The following NR2F2 variants were observed in gnomAD, a reference collection of about 807,000 sequenced individuals.
NR2F2 encodes the protein COUP transcription factor 2.
In NR2F2, 2 loss-of-function variants were observed where a neutral mutation model predicts 34.8. That is an observed-to-expected ratio of 0.06 (90% CI 0.02 to 0.18). The LOEUF is 0.18. Among genes scored for constraint, NR2F2 ranks in the 10% least tolerant of loss-of-function variants. NR2F2 has a pLI of 1.00. For synonymous variants in NR2F2, 274 were observed against 251.8 expected, an observed-to-expected ratio of 1.09 and a Z score of -0.84; for missense variants, 300 against 580.1, an observed-to-expected ratio of 0.52 and a Z score of 4.96.
Position 96,330,782 on chromosome 15 carries a change from A to G in NR2F2, c.-1324A>G. The G allele has an allele frequency of 2.4e-3, 1,165 of 482,036 alleles. No individual in the cohort carries two copies. Among genetic ancestry groups the G allele is most frequent in the Non-Finnish European group, 3.0e-3 (1,053 of 355,410 alleles). The allele number at this position is 482,036 out of a possible 1,614,324, so 29.9% of individuals were successfully genotyped here. A position where few individuals can be genotyped will look rare whatever the true frequency, so the allele number is the denominator to read the frequency against. ...CTTTTTAGCATATTTGATCACTTTG[A>G]TTCTCTGTTCTTTTCTCTCCGCGGT... is the stretch of plus-strand genomic sequence containing the variant. On this transcript the variant is annotated 5_prime_UTR_variant, in exon 1 of 3. Coordinates refer to ENST00000394166, the MANE Select transcript of NR2F2 (RefSeq NM_021005.4).
rs1308605668 is a variant in NR2F2 at position 96,331,033 on chromosome 15, A to T, written c.-1073A>T. The T allele has an allele frequency of 8.2e-7, 1 of 1,214,610 alleles. No homozygotes were observed. Among genetic ancestry groups the T allele is most frequent in the African/African-American group, 1.6e-5 (1 of 62,452 alleles). The allele number at this position is 1,214,610 out of a possible 1,614,324, so 75.2% of individuals were successfully genotyped here. ...CCGCCGGCGAGTTGACTCTTTCCCT[A>T]TGTGTGTGAGGCGGCGGCGGCAGCA... On this transcript the variant is annotated 5_prime_UTR_variant, in exon 1 of 3. It removes an upstream start codon present in the reference 5' UTR. Transcript: ENST00000394166.
In NR2F2 at chr15:96,331,854, A is replaced by G. The variant is rs1341499547; in HGVS notation, c.-252A>G. The G allele has an allele frequency of 1.7e-6, 2 of 1,201,628 alleles. No individual in the cohort carries two copies. The highest frequency in any genetic ancestry group is 2.1e-6 in the Non-Finnish European group (2 of 969,324). The allele number at this position is 1,201,628 out of a possible 1,614,324, so 74.4% of individuals were successfully genotyped here. A position where few individuals can be genotyped will look rare whatever the true frequency, so the allele number is the denominator to read the frequency against. ...GAAACCAACAAAGCTGAGCCGAGAG[A>G]AACAAACAAAACAAACACACCGGGC... On this transcript the variant is annotated 5_prime_UTR_variant, in exon 1 of 3. Transcript: ENST00000394166.
chr15:96,337,302 CTTCTTT>C (rs556851031), intron 2 of NR2F2, 40 bp from the exon 3 acceptor site: 23 of 1,558,540 alleles, frequency 1.5e-5, no homozygotes, highest in East Asian at 4.5e-5. Flanking sequence ...TCTTCTTCTT[CTTCTTT>C]TTCTTCTTCT....
chr15:96,326,073 G>T, upstream of NR2F2: 1 of 591,516 alleles, frequency 1.7e-6, no homozygotes, highest in East Asian at 2.8e-5. This position sits in a 1 kb window ranked among gnomAD's most constrained non-coding sequence, Gnocchi z 5.5. Flanking sequence ...GTTTTCCAAG[G>T]CTGAGAGAGC....
chr15:96,337,064 C>G (rs547819740), intron 2 of NR2F2, among the ~76,000 whole-genome samples: 2 of 152,324 alleles, frequency 1.3e-5, no homozygotes, highest in African/African-American at 4.8e-5. Context: ...AGGCTAAGGA[C>G]TCGGGCAGTG....
intron 1 of NR2F2, chr15:96,333,679 TC>T: frequency 1.8e-6 from 2 of 1,102,586 alleles, no homozygotes; most frequent in Non-Finnish European, 1.1e-6. Context: ...CGCCTCACCC[TC>T]CCCCCAGACT....
rs34678417 is a variant in NR2F2 at position 96,337,775 on chromosome 15, CAAA to C, written c.*166_*168del. On this transcript the variant is annotated 3_prime_UTR_variant, in exon 3 of 3. Transcript: ENST00000394166. ...GAAGAATTTAATGGACTGTGAATTT[CAAA>C]AAAAAAAAAAAAGACTGTCAAATGA... The C allele has an allele frequency of 5.4e-3, 1,097 of 201,606 alleles. No homozygotes were observed. Among genetic ancestry groups the C allele is most frequent in the East Asian group, 0.011 (154 of 13,606 alleles). The allele number at this position is 201,606 out of a possible 1,614,324, so 12.5% of individuals were successfully genotyped here.
chr15:96,329,873 G>A (rs551213836), upstream of NR2F2, among the ~76,000 whole-genome samples: 5 of 152,126 alleles, frequency 3.3e-5, no homozygotes, highest in East Asian at 7.7e-4. Flanking sequence ...CTCAGCATCC[G>A]AGATGCTTTA....
In NR2F2 at chr15:96,330,750, C is replaced by T. The variant is rs926189327; in HGVS notation, c.-1356C>T. ...CGCCTATAAATCGCATTCCCTCCCGCGCCCCCCTTTTTAGCATATTTGATC... is the reference window on the plus strand; with the variant it reads ...CGCCTATAAATCGCATTCCCTCCCGTGCCCCCCTTTTTAGCATATTTGATC... On this transcript the variant is annotated 5_prime_UTR_variant, in exon 1 of 3. Coordinates refer to ENST00000394166, the MANE Select transcript of NR2F2 (RefSeq NM_021005.4). 2.9e-6 allele frequency: 2 copies of T among 693,126 alleles called. No individual in the cohort carries two copies. Among genetic ancestry groups the T allele is most frequent in the African/African-American group, 1.9e-5 (1 of 52,222 alleles). The allele number at this position is 693,126 out of a possible 1,614,324, so 42.9% of individuals were successfully genotyped here. A position where few individuals can be genotyped will look rare whatever the true frequency, so the allele number is the denominator to read the frequency against.
chr15:96,331,975 C>T lies in NR2F2; in HGVS notation c.-131C>T. On this transcript the variant is annotated 5_prime_UTR_variant, in exon 1 of 3. Transcript: ENST00000394166. The stretch of plus-strand genomic sequence containing the variant: ...CAGCCCCCGAGCCACCCGGGGCGCC[C>T]TCCCGCGCCCTCTTGCACCCTCGCA... The T allele has an allele frequency of 8.3e-7, 1 of 1,208,472 alleles. No homozygotes were observed. The highest frequency in any genetic ancestry group is 1.0e-6 in the Non-Finnish European group (1 of 972,716). The allele number at this position is 1,208,472 out of a possible 1,614,324, so 74.9% of individuals were successfully genotyped here. A position where few individuals can be genotyped will look rare whatever the true frequency, so the allele number is the denominator to read the frequency against.
chr15:96,332,462 G>A lies in NR2F2; in HGVS notation c.357G>A (p.Arg119=). The A allele has an allele frequency of 1.2e-6, 2 of 1,614,194 alleles. No homozygotes were observed. The highest frequency in any genetic ancestry group is 1.7e-6 in the Non-Finnish European group (2 of 1,180,032). ...TGAGCTACACGTGCCGCGCCAACCG[G>A]AACTGTCCCATCGACCAGCACCATC... ...RNLSYTCRAN[R]NCPIDQHHRN... is the part of the protein sequence containing the mutation. Residue 119 remains arginine, a synonymous_variant, in exon 1 of 3, where the codon CGG becomes CGA. Coordinates refer to ENST00000394166, the MANE Select transcript of NR2F2 (RefSeq NM_021005.4).
In NR2F2 at chr15:96,330,799, C is replaced by A; in HGVS notation, c.-1307C>A. 9.6e-7 allele frequency: 1 copy of A among 1,046,362 alleles called. No individual in the cohort carries two copies. The highest frequency in any genetic ancestry group is 1.2e-6 in the Non-Finnish European group (1 of 844,886). 64.8% of individuals were successfully genotyped at this position (1,046,362 alleles called of 1,614,324 possible). A position where few individuals can be genotyped will look rare whatever the true frequency, so the allele number is the denominator to read the frequency against. On this transcript the variant is annotated 5_prime_UTR_variant, in exon 1 of 3. Coordinates refer to ENST00000394166, the MANE Select transcript of NR2F2 (RefSeq NM_021005.4). ...TCACTTTGATTCTCTGTTCTTTTCT[C>A]TCCGCGGTGTGTGTGTGCGTGCGCG...
chr15:96,332,555 C>A lies in NR2F2; in HGVS notation c.442+8C>A, dbSNP rs1899176359. 1.9e-6 allele frequency: 3 copies of A among 1,605,630 alleles called. No individual in the cohort carries two copies. Among genetic ancestry groups the A allele is most frequent in the Non-Finnish European group, 2.6e-6 (3 of 1,172,864 alleles). ...TGGGCATGAGACGGGAAGGTATCGGCCTCTCATTTCTCCTTCCCTCGTCCT... is the reference window on the plus strand; with the variant it reads ...TGGGCATGAGACGGGAAGGTATCGGACTCTCATTTCTCCTTCCCTCGTCCT... On this transcript the variant is annotated splice_region_variant and intron_variant, in intron 1 of 2. Coordinates refer to ENST00000394166, the MANE Select transcript of NR2F2 (RefSeq NM_021005.4).
chr15:96,328,273 A>G (rs1899043990), upstream of NR2F2, among the ~76,000 whole-genome samples: 1 of 152,186 alleles, frequency 6.6e-6, no homozygotes, highest in Non-Finnish European at 1.5e-5. Context: ...AAATTATTCC[A>G]TTTTAATCTA....
Position 96,340,145 on chromosome 15 carries a change from T to C in NR2F2, c.*2523T>C, listed in dbSNP as rs1390414202. On this transcript the variant is annotated 3_prime_UTR_variant, in exon 3 of 3. Transcript: ENST00000394166. ...ATGTGAGTGTGTGAAGTTTCTCTAA[T>C]AAGTAAAACACAGGCCCTTTTCCTT... 6.6e-6 allele frequency: 1 copy of C among 152,268 alleles called. No homozygotes were observed. Among genetic ancestry groups the C allele is most frequent in the Non-Finnish European group, 1.5e-5 (1 of 68,052 alleles). 9.4% of individuals were successfully genotyped at this position (152,268 alleles called of 1,614,324 possible). A position where few individuals can be genotyped will look rare whatever the true frequency, so the allele number is the denominator to read the frequency against.
intron 1 of NR2F2, among the ~76,000 whole-genome samples, chr15:96,332,979 T>C (rs1596425862): frequency 1.3e-5 from 2 of 148,196 alleles, no homozygotes; most frequent in South Asian, 4.2e-4. Context: ...TGTACTTTTG[T>C]ACAGGAGGTT....
chr15:96,337,547 C>A lies in NR2F2; in HGVS notation c.1170C>A (p.Thr390=), dbSNP rs777214901. The part of the protein sequence containing the change: ...QLFFVRLVGK[T]PIETLIRDML... Reference sequence around the variant, plus strand: ...TTTTCGTCCGTTTGGTAGGTAAAACCCCCATCGAAACCCTCATCCGGGATA... The same window carrying A: ...TTTTCGTCCGTTTGGTAGGTAAAACACCCATCGAAACCCTCATCCGGGATA... Residue 390 remains threonine (T), a synonymous_variant, in exon 3 of 3, where the codon ACC becomes ACA. Transcript: ENST00000394166. 5 of 1,613,932 alleles carry A rather than the reference C, an allele frequency of 3.1e-6. No individual in the cohort carries two copies. Among genetic ancestry groups the A allele is most frequent in the Admixed American group, 1.7e-5 (1 of 59,984 alleles).
chr15:96,335,750 TA>T (rs758245573), intron 2 of NR2F2, among the ~76,000 whole-genome samples: 39 of 152,348 alleles, frequency 2.6e-4, no homozygotes, highest in Admixed American at 3.9e-4. Context: ...ATCTCTTCCT[TA>T]TTGTTCGAAA....
rs940428570 is a variant in NR2F2, at chr15:96,331,848, CGA to C, written c.-253_-252del. On this transcript the variant is annotated 5_prime_UTR_variant, in exon 1 of 3. Coordinates refer to ENST00000394166, the MANE Select transcript of NR2F2 (RefSeq NM_021005.4). ...CCCCCCGAAACCAACAAAGCTGAGC[CGA>C]GAGAAACAAACAAAACAAACACACC... The C allele has an allele frequency of 8.8e-5, 106 of 1,203,210 alleles. No individual in the cohort carries two copies. In the African/African-American group the frequency reaches 1.4e-3, roughly 16 times the overall value. 74.5% of individuals were successfully genotyped at this position (1,203,210 alleles called of 1,614,324 possible). A position where few individuals can be genotyped will look rare whatever the true frequency, so the allele number is the denominator to read the frequency against.
Sources: gnomAD v4.1 joint callset for allele counts (sites outside exome capture counted in the v4.1 genomes callset) on GRCh38, gnomAD v4.1.1 for gene constraint, Gnocchi (gnomAD v3.1) non-coding constraint, MANE v1.5 for transcripts, NCBI Gene and HGNC (gene_info 2026-07-23, HGNC 2026-07-21) for gene names.